The following RCAN2 variants were observed in gnomAD, a reference collection of about 807,000 sequenced individuals.
The protein encoded by RCAN2 is regulator of calcineurin 2.
In RCAN2, 9 loss-of-function variants were observed where a neutral mutation model predicts 23.6. The observed-to-expected ratio is 0.38, with a 90% CI of 0.23 to 0.67. The LOEUF is 0.67. RCAN2 is among the 30% of genes least tolerant of loss of function. RCAN2 has a pLI of 0.51. For synonymous variants in RCAN2, 109 were observed against 115.7 expected (o/e 0.94, Z 0.37); for missense variants, 273 against 302.3 (o/e 0.90, Z 0.72).
intron 2 of RCAN2, among the ~76,000 whole-genome samples, chr6:46,310,658 C>T (rs1368477814): frequency 6.6e-6 from 1 of 152,048 alleles, no homozygotes; most frequent in Non-Finnish European, 1.5e-5. Flanking sequence ...CTGTTTTAAA[C>T]AATTTTTTAT....
chr6:46,434,827 A>T lies in RCAN2; in HGVS notation c.225+21925T>A, dbSNP rs1272338259. Reference sequence around the variant, plus strand: ...TTGGGTATTCATGATGGGGAATGGCATACTGTCAGCCAGTGGGTAGAGGCC... The same window carrying T: ...TTGGGTATTCATGATGGGGAATGGCTTACTGTCAGCCAGTGGGTAGAGGCC... On this transcript the variant is annotated intron_variant, in intron 2 of 4. Coordinates refer to ENST00000371374, the MANE Select transcript of RCAN2 (RefSeq NM_001251974.2). 2.6e-5 allele frequency among the ~76,000 whole-genome samples: 4 copies of T among 152,172 alleles called. No homozygotes were observed. In the East Asian group the frequency reaches 7.7e-4, roughly 29 times the overall value.
intron 2 of RCAN2, among the ~76,000 whole-genome samples, chr6:46,387,804 G>A (rs565183541): frequency 3.4e-4 from 52 of 152,222 alleles, no homozygotes; most frequent in African/African-American, 1.2e-3. Flanking sequence ...ATATGCACAC[G>A]TATGTTTATT....
chr6:46,239,092 T>C (rs1766207559), intron 4 of RCAN2, among the ~76,000 whole-genome samples: 1 of 152,192 alleles, frequency 6.6e-6, no homozygotes, highest in Admixed American at 6.5e-5. Flanking sequence ...AGATTCAAAC[T>C]CACATCCTAT....
chr6:46,283,019 T>A (rs1236865427), intron 2 of RCAN2, among the ~76,000 whole-genome samples: 1 of 152,208 alleles, frequency 6.6e-6, no homozygotes, highest in Non-Finnish European at 1.5e-5. Context: ...GCATGGAAAC[T>A]GCCTGACCGG....
chr6:46,381,528 G>A (rs1046473078), intron 2 of RCAN2, among the ~76,000 whole-genome samples: 4 of 152,296 alleles, frequency 2.6e-5, no homozygotes, highest in African/African-American at 9.6e-5. Context: ...AAGCTGAGTT[G>A]TGTTTCAGGG....
At chr6:46,354,753 G>A (rs748537655) in intron 2 of RCAN2, among the ~76,000 whole-genome samples, 3 of 152,230 alleles carry the variant, frequency 2.0e-5, no homozygotes, top group Non-Finnish European at 2.9e-5. Flanking sequence ...AGCACCCAAT[G>A]TTTAAATGTT....
chr6:46,358,065 G>C (rs1466950412), intron 2 of RCAN2, among the ~76,000 whole-genome samples: 5 of 152,130 alleles, frequency 3.3e-5, no homozygotes, highest in Non-Finnish European at 7.3e-5. Flanking sequence ...ATGCAAATTA[G>C]AGGTACAGAC....
chr6:46,386,059 G>T (rs1765735647), intron 2 of RCAN2, among the ~76,000 whole-genome samples: 2 of 152,116 alleles, frequency 1.3e-5, no homozygotes, highest in East Asian at 1.9e-4. Flanking sequence ...CACAGCAAAA[G>T]AAACTATCAT....
Position 46,255,940 on chromosome 6 carries a change from T to C in RCAN2, c.226-7044A>G, listed in dbSNP as rs551226108. Among the ~76,000 whole-genome samples the C allele has an allele frequency of 4.6e-4, 70 of 152,210 alleles. 2 individuals carry two copies. In the South Asian group the frequency reaches 0.013, roughly 28 times the overall value. On this transcript the variant is annotated intron_variant, in intron 2 of 4. Transcript: ENST00000371374. ...GAATAATCTGCCTAGCAATGTGTAATTGCGAGGGAATAAGCATTGCTCAGA... is the reference window on the plus strand; with the variant it reads ...GAATAATCTGCCTAGCAATGTGTAACTGCGAGGGAATAAGCATTGCTCAGA...
intron 2 of RCAN2, among the ~76,000 whole-genome samples, chr6:46,395,916 A>G (rs1766076785): frequency 6.6e-6 from 1 of 152,172 alleles, no homozygotes; most frequent in Admixed American, 6.5e-5. Context: ...TCTGTGTGCA[A>G]TGTCATTAGG....
chr6:46,317,701 C>G (rs987144255), intron 2 of RCAN2, among the ~76,000 whole-genome samples: 24 of 152,062 alleles, frequency 1.6e-4, no homozygotes, highest in Non-Finnish European at 2.9e-4. Flanking sequence ...TCCTGACCTT[C>G]TGATCTGCCC....
intron 4 of RCAN2, among the ~76,000 whole-genome samples, chr6:46,224,658 C>T (rs1249538883): frequency 6.6e-6 from 1 of 152,182 alleles, no homozygotes; most frequent in African/African-American, 2.4e-5. Context: ...CTGCTATTCT[C>T]AGTCTAAGTG....
chr6:46,406,099 C>G (rs1393659135), intron 2 of RCAN2, among the ~76,000 whole-genome samples: 1 of 152,236 alleles, frequency 6.6e-6, no homozygotes, highest in African/African-American at 2.4e-5. Flanking sequence ...AGAACTCCAG[C>G]TGGCCCGCAA....
At chr6:46,383,037 C>T (rs1765650916) in intron 2 of RCAN2, among the ~76,000 whole-genome samples, 1 of 152,104 alleles carries the variant, frequency 6.6e-6, no homozygotes, top group African/African-American at 2.4e-5. Context: ...TCCCTCAAGG[C>T]GTCTAGTAGG....
intron 1 of RCAN2, among the ~76,000 whole-genome samples, chr6:46,490,437 C>G (rs1043185035): frequency 2.0e-5 from 3 of 152,168 alleles, no homozygotes; most frequent in African/African-American, 7.2e-5. Flanking sequence ...AGAAGTACCT[C>G]GAAGAATAAA....
At chr6:46,303,946 T>A (rs1762988476) in intron 2 of RCAN2, among the ~76,000 whole-genome samples, 1 of 152,140 alleles carries the variant, frequency 6.6e-6, no homozygotes, top group Non-Finnish European at 1.5e-5. Flanking sequence ...TGGAAATATG[T>A]ACTCATTTAT....
intron 2 of RCAN2, among the ~76,000 whole-genome samples, chr6:46,397,372 A>AC (rs1766121682): frequency 1.4e-5 from 2 of 146,240 alleles, no homozygotes; most frequent in South Asian, 4.5e-4. Context: ...ATTTCACAGA[A>AC]ACACACACAC....
At chr6:46,362,657 G>A (rs1008989007) in intron 2 of RCAN2, among the ~76,000 whole-genome samples, 2 of 152,116 alleles carry the variant, frequency 1.3e-5, no homozygotes, top group Non-Finnish European at 2.9e-5. Flanking sequence ...GGTTTCCAGA[G>A]GGAAAGTCCA....
At chr6:46,450,720 T>C (rs1316823236) in intron 2 of RCAN2, among the ~76,000 whole-genome samples, 3 of 151,952 alleles carry the variant, frequency 2.0e-5, no homozygotes, top group Admixed American at 1.3e-4. Context: ...CACTTACATG[T>C]AGAGGATAAA....
Sources: allele counts gnomAD v4.1 joint callset (sites outside exome capture counted in the v4.1 genomes callset), GRCh38; gene constraint gnomAD v4.1.1; transcripts MANE v1.5; gene names NCBI Gene and HGNC (gene_info 2026-07-23, HGNC 2026-07-21).